The following RAB6B variants were observed in gnomAD, a reference collection of about 807,000 sequenced individuals.
The protein encoded by RAB6B is RAB6B, member RAS oncogene family.
RAB6B carries 7 observed loss-of-function variants against 31.2 expected under a neutral mutation model. That is an observed-to-expected ratio of 0.22 (90% CI 0.13 to 0.42). RAB6B has a LOEUF of 0.42. RAB6B is among the 10% of genes least tolerant of loss of function. RAB6B has a pLI of 1.00. For synonymous variants in RAB6B, 105 were observed against 104.9 expected (o/e 1.00, Z -0.01); for missense variants, 149 against 280.6 (o/e 0.53, Z 3.35).
At position 133,850,194 on chromosome 3, in the gene RAB6B, G is replaced by T. The variant is rs528908971; in HGVS notation, c.130-8531C>A. On this transcript the variant is annotated intron_variant, in intron 2 of 7. Transcript: ENST00000285208. ...TAACTTTCAGTTGCTGCCTACCACGGGGGGGAGAATTGAGAATTTGGGTCC... is the reference window on the plus strand; with the variant it reads ...TAACTTTCAGTTGCTGCCTACCACGTGGGGGAGAATTGAGAATTTGGGTCC... Among the ~76,000 whole-genome samples the T allele has an allele frequency of 5.3e-5, 8 of 152,200 alleles. No homozygotes were observed. In the South Asian group the frequency reaches 8.3e-4, roughly 16 times the overall value.
intron 2 of RAB6B, among the ~76,000 whole-genome samples, chr3:133,852,482 T>C (rs1489519693): frequency 6.6e-6 from 1 of 151,084 alleles, no homozygotes; most frequent in East Asian, 1.9e-4. Flanking sequence ...TTTCTTTTTT[T>C]TTTTTTGAGA....
At chr3:133,872,236 C>T (rs190584047) in intron 1 of RAB6B, among the ~76,000 whole-genome samples, 150 of 152,394 alleles carry the variant, frequency 9.8e-4, no homozygotes, top group Admixed American at 3.8e-3. Context: ...CAGAGACCCG[C>T]TGACTCAGCC....
Position 133,895,618 on chromosome 3 carries a change from C to A in RAB6B, c.-152G>T, listed in dbSNP as rs1324706144. On this transcript the variant is annotated 5_prime_UTR_variant, in exon 1 of 8. Transcript: ENST00000285208. ...CGTCCCTGACTCCCCAGCTGCGTCC[C>A]GGTCCCGGCCTGCGGCTGCGTGTCC... is the stretch of plus-strand genomic sequence containing the variant. 4.4e-6 allele frequency: 3 copies of A among 683,070 alleles called. No individual in the cohort carries two copies. Among genetic ancestry groups the A allele is most frequent in the South Asian group, 3.8e-5 (2 of 52,970 alleles). The allele number at this position is 683,070 out of a possible 1,614,324, so 42.3% of individuals were successfully genotyped here. A position where few individuals can be genotyped will look rare whatever the true frequency, so the allele number is the denominator to read the frequency against.
chr3:133,844,947 GA>G (rs66909707), intron 2 of RAB6B, among the ~76,000 whole-genome samples: 8 of 145,426 alleles, frequency 5.5e-5, no homozygotes, highest in South Asian at 2.2e-4. Context: ...TGGCTCAAAA[GA>G]AAAAAAAAAA....
chr3:133,841,957 G>C (rs1003743011), intron 2 of RAB6B, among the ~76,000 whole-genome samples: 1 of 152,146 alleles, frequency 6.6e-6, no homozygotes, highest in African/African-American at 2.4e-5. Flanking sequence ...CCAGGAGCAA[G>C]GCCACTCAGG....
At chr3:133,882,205 A>G (rs1353922472) in intron 1 of RAB6B, among the ~76,000 whole-genome samples, 1 of 152,192 alleles carries the variant, frequency 6.6e-6, no homozygotes, top group African/African-American at 2.4e-5. Context: ...CTCTCTCAGC[A>G]CAGCAGCTTA....
At chr3:133,853,016 T>G (rs1936009102) in intron 2 of RAB6B, among the ~76,000 whole-genome samples, 1 of 152,212 alleles carries the variant, frequency 6.6e-6, no homozygotes, top group African/African-American at 2.4e-5. Flanking sequence ...CGATGCTAGT[T>G]TTTCCTCCTC....
chr3:133,884,851 C>T (rs1160446306), intron 1 of RAB6B, among the ~76,000 whole-genome samples: 2 of 142,850 alleles, frequency 1.4e-5, no homozygotes, highest in African/African-American at 5.3e-5. Context: ...GGGGGGCTCA[C>T]ACACCAATGA....
At chr3:133,848,289 A>G (rs778143848) in intron 2 of RAB6B, among the ~76,000 whole-genome samples, 1 of 152,086 alleles carries the variant, frequency 6.6e-6, no homozygotes, top group Non-Finnish European at 1.5e-5. Context: ...TGAATACTGA[A>G]CTGGTTGCTT....
intron 2 of RAB6B, among the ~76,000 whole-genome samples, chr3:133,857,448 A>C (rs985648615): frequency 7.5e-6 from 1 of 133,966 alleles, no homozygotes; most frequent in South Asian, 2.4e-4. Context: ...AAAAAAAAAA[A>C]GGACTGAGGC....
chr3:133,869,180 C>T (rs1444960314), intron 1 of RAB6B, among the ~76,000 whole-genome samples: 1 of 152,218 alleles, frequency 6.6e-6, no homozygotes, highest in African/African-American at 2.4e-5. Context: ...AGAGAAAACA[C>T]TCGTGAGAAG....
At chr3:133,882,431 A>C (rs1038156966) in intron 1 of RAB6B, among the ~76,000 whole-genome samples, 1 of 152,188 alleles carries the variant, frequency 6.6e-6, no homozygotes, top group African/African-American at 2.4e-5. Flanking sequence ...GGGTCACCTT[A>C]GGTTGTGTCT....
intron 1 of RAB6B, among the ~76,000 whole-genome samples, chr3:133,870,672 T>C (rs996261217): frequency 2.0e-5 from 3 of 152,200 alleles, no homozygotes; most frequent in African/African-American, 7.2e-5. Flanking sequence ...ATTCAGTCAC[T>C]CATAAAAGCC....
intron 2 of RAB6B, among the ~76,000 whole-genome samples, chr3:133,851,710 T>C (rs1041459049): frequency 2.6e-5 from 4 of 152,172 alleles, no homozygotes; most frequent in African/African-American, 9.7e-5. Context: ...GAACACTAAC[T>C]ACACTTTGCA....
In RAB6B at chr3:133,828,825, T is replaced by C. The variant is rs1185244984; in HGVS notation, c.590A>G (p.Gln197Arg). Residue 197 changes from glutamine to arginine, a missense_variant, in exon 8 of 8, where the codon CAG becomes CGG. By Grantham distance (43) the Gln-to-Arg change is conservative. Coordinates refer to ENST00000285208, the MANE Select transcript of RAB6B (RefSeq NM_016577.4). ...GCCGCCCTCGCTGGCCGGGGGCTCC[T>C]GGGGTTTGTCCAGCTTGATGTCGAT... Reference protein sequence around the residue: ...GMIDIKLDKPQEPPASEGGCS... With the variant: ...GMIDIKLDKPREPPASEGGCS... The C allele has an allele frequency of 7.4e-6, 12 of 1,613,296 alleles. No individual in the cohort carries two copies. Among genetic ancestry groups the C allele is most frequent in the Admixed American group, 1.7e-5 (1 of 59,976 alleles).
rs1450432953 is a variant in RAB6B, at chr3:133,895,554, G to A, written c.-88C>T. 2 of 1,377,824 alleles carry A rather than the reference G, an allele frequency of 1.5e-6. No individual in the cohort carries two copies. Among genetic ancestry groups the A allele is most frequent in the East Asian group, 2.4e-5 (1 of 41,682 alleles). The allele number at this position is 1,377,824 out of a possible 1,614,324, so 85.3% of individuals were successfully genotyped here. The stretch of plus-strand genomic sequence containing the variant: ...AGTAGGAGGGCGAGGGGAGGCGGCC[G>A]GCGGTGCGGGAGCCGGAGGGGGAAG... On this transcript the variant is annotated 5_prime_UTR_variant, in exon 1 of 8. Coordinates refer to ENST00000285208, the MANE Select transcript of RAB6B (RefSeq NM_016577.4).
intron 1 of RAB6B, among the ~76,000 whole-genome samples, chr3:133,882,203 G>A (rs1936475243): frequency 3.3e-5 from 5 of 152,190 alleles, no homozygotes; most frequent in Admixed American, 2.6e-4. Flanking sequence ...CCCTCTCTCA[G>A]CACAGCAGCT....
chr3:133,841,934 T>C (rs1020329438), intron 2 of RAB6B, among the ~76,000 whole-genome samples: 2 of 152,152 alleles, frequency 1.3e-5, no homozygotes, highest in Non-Finnish European at 2.9e-5. Flanking sequence ...AGCGCAGTGG[T>C]GAGGAGGCCT....
intron 1 of RAB6B, among the ~76,000 whole-genome samples, chr3:133,889,421 TATATATATATATATATA>T (rs1936602691): frequency 1.6e-5 from 1 of 62,166 alleles, no homozygotes; most frequent in African/African-American, 6.6e-5. Flanking sequence ...TATATATATA[TATATATATATATATATA>T]TATATATTTA....
Sources: gnomAD v4.1 joint callset for allele counts (sites outside exome capture counted in the v4.1 genomes callset) on GRCh38, gnomAD v4.1.1 for gene constraint, MANE v1.5 for transcripts, NCBI Gene and HGNC (gene_info 2026-07-23, HGNC 2026-07-21) for gene names.